The following CACNA1I variants were observed in gnomAD, a reference collection of about 807,000 sequenced individuals.
CACNA1I encodes the protein calcium voltage-gated channel subunit alpha1 I.
CACNA1I carries 74 observed loss-of-function variants against 201.6 expected under a neutral mutation model. The ratio of observed to expected loss-of-function variants is 0.37; its 90% CI spans 0.30 to 0.45. The LOEUF (loss-of-function observed/expected upper bound fraction) is 0.45. Ranked by LOEUF, CACNA1I falls within the 20% of genes least tolerant of loss-of-function variation. CACNA1I has a pLI of 1.00. For synonymous variants in CACNA1I, 1,431 were observed against 1,345.2 expected, an observed-to-expected ratio of 1.06 and a Z score of -1.40; for missense variants, 2,346 against 3,138.1, an observed-to-expected ratio of 0.75 and a Z score of 6.03.
At chr22:39,593,179 C>T (rs559990607) in intron 1 of CACNA1I, among the ~76,000 whole-genome samples, 20 of 152,222 alleles carry the variant, frequency 1.3e-4, no homozygotes, top group Non-Finnish European at 2.5e-4. Context: ...AGAGGCAGTG[C>T]TGTGCAGCGG....
At chr22:39,584,566 TG>T (rs1404873298) in intron 1 of CACNA1I, among the ~76,000 whole-genome samples, 2 of 152,026 alleles carry the variant, frequency 1.3e-5, no homozygotes, top group African/African-American at 2.4e-5. Flanking sequence ...ACCAGAGGGC[TG>T]GGGGCTGGAG....
intron 4 of CACNA1I, among the ~76,000 whole-genome samples, chr22:39,626,233 A>G (rs966191665): frequency 1.6e-4 from 25 of 152,224 alleles, no homozygotes; most frequent in African/African-American, 6.0e-4. Flanking sequence ...AGCTCTCAAG[A>G]GAAGTTAATA....
Position 39,684,664 on chromosome 22 carries a change from G to A in CACNA1I, c.6027+166G>A, listed in dbSNP as rs1935804928. The A allele has an allele frequency of 4.2e-6, 3 of 722,360 alleles. No homozygotes were observed. Among genetic ancestry groups the A allele is most frequent in the Non-Finnish European group, 7.0e-6 (3 of 431,268 alleles). The allele number at this position is 722,360 out of a possible 1,614,324, so 44.7% of individuals were successfully genotyped here. A position where few individuals can be genotyped will look rare whatever the true frequency, so the allele number is the denominator to read the frequency against. On this transcript the variant is annotated intron_variant, in intron 36 of 36. Transcript: ENST00000402142. The surrounding 1 kb of genome is among the most constrained non-coding windows in gnomAD (Gnocchi z 4.6). ...CGCTGGGGTGACGCTGAGACTGGAG[G>A]GGGAGGTGGCACTGGGGCGGATGGA...
At chr22:39,609,918 C>T (rs1480291721) in intron 3 of CACNA1I, among the ~76,000 whole-genome samples, 9 of 152,188 alleles carry the variant, frequency 5.9e-5, no homozygotes. Context: ...TGGGCAGGGG[C>T]AGGGCTCTGT....
At chr22:39,663,957 T>C (rs927752823) in intron 19 of CACNA1I, 116 bp downstream of exon 19, 40 of 1,537,090 alleles carry the variant, frequency 2.6e-5, no homozygotes, top group Non-Finnish European at 3.4e-5. Flanking sequence ...AAGTTTGCCT[T>C]TGGGGCGGGG....
rs1935928936 is a variant in CACNA1I, at chr22:39,687,728, G to T, written c.*1323G>T. The stretch of plus-strand genomic sequence containing the variant: ...CTTCCCAAACGGGTTCTAGACTTGG[G>T]TGTTTGATTTGAAGAGTTACGCATT... On this transcript the variant is annotated 3_prime_UTR_variant, in exon 37 of 37. Coordinates refer to ENST00000402142, the MANE Select transcript of CACNA1I (RefSeq NM_021096.4). 6.6e-6 allele frequency: 1 copy of T among 152,228 alleles called. No individual in the cohort carries two copies. Among genetic ancestry groups the T allele is most frequent in the South Asian group, 2.1e-4 (1 of 4,832 alleles). 9.4% of individuals were successfully genotyped at this position (152,228 alleles called of 1,614,324 possible).
At position 39,664,863 on chromosome 22, in the gene CACNA1I, G is replaced by A; in HGVS notation, c.3791G>A (p.Gly1264Glu). 1.2e-6 allele frequency: 2 copies of A among 1,613,132 alleles called. No homozygotes were observed. The highest frequency in any genetic ancestry group is 1.1e-5 in the South Asian group (1 of 91,074). ...DIVVSLASAG[G>E]AKILGVLRVL... Reference sequence around the variant, plus strand: ...GTGGTGTCCCTGGCCTCAGCCGGGGGAGCCAAGATCTTGGGGGTCCTCCGA... The same window carrying A: ...GTGGTGTCCCTGGCCTCAGCCGGGGAAGCCAAGATCTTGGGGGTCCTCCGA... The change falls in exon 21 of 37, where the codon GGA (glycine) becomes GAA (glutamate). Residue 1264 changes from glycine (G) to glutamate (E), a missense_variant. Gly to Glu is a moderately conservative substitution (Grantham distance 98). This residue lies in a region of CACNA1I where 158 missense variants were observed against 231.6 expected (regional missense o/e 0.68). Coordinates refer to ENST00000402142, the MANE Select transcript of CACNA1I (RefSeq NM_021096.4).
chr22:39,683,050 C>T (rs1935751070), intron 35 of CACNA1I, among the ~76,000 whole-genome samples: 1 of 152,136 alleles, frequency 6.6e-6, no homozygotes, highest in African/African-American at 2.4e-5. Context: ...GCCCACAGAT[C>T]TTCATATACA....
Position 39,684,505 on chromosome 22 carries a change from A to T in CACNA1I, c.6027+7A>T. On this transcript the variant is annotated splice_region_variant and intron_variant, in intron 36 of 36. Coordinates refer to ENST00000402142, the MANE Select transcript of CACNA1I (RefSeq NM_021096.4). The surrounding 1 kb of genome is among the most constrained non-coding windows in gnomAD (Gnocchi z 4.6). ...CTGTACCCTCCTCCGGCAGGTACCG[A>T]CACCTCCCAGGCCCTAGAGCACTGG... 6.2e-7 allele frequency: 1 copy of T among 1,610,988 alleles called. No individual in the cohort carries two copies. Among genetic ancestry groups the T allele is most frequent in the Non-Finnish European group, 8.5e-7 (1 of 1,178,882 alleles).
intron 4 of CACNA1I, among the ~76,000 whole-genome samples, chr22:39,634,035 A>C (rs1038505900): frequency 6.6e-6 from 1 of 152,228 alleles, no homozygotes; most frequent in African/African-American, 2.4e-5. Flanking sequence ...GGTGCTGGGC[A>C]TACTAAGGTG....
intron 14 of CACNA1I, 56 bp from the exon 15 acceptor site, chr22:39,660,288 C>A: frequency 7.4e-7 from 1 of 1,347,754 alleles, no homozygotes; most frequent in Non-Finnish European, 1.0e-6. Context: ...CTAGAGGGAG[C>A]TGGGAAGGGA....
At chr22:39,624,016 A>G (rs1933830122) in intron 4 of CACNA1I, among the ~76,000 whole-genome samples, 2 of 129,890 alleles carry the variant, frequency 1.5e-5, no homozygotes, top group African/African-American at 6.0e-5. Context: ...GTGTCCATGA[A>G]GGGGTGTGCC....
rs1935847166 is a variant in CACNA1I at position 39,685,868 on chromosome 22, C to T, written c.6135C>T (p.Ala2045=). The stretch of plus-strand genomic sequence containing the variant: ...CCCTGAGCGACAGCCCCCGGCGTGC[C>T]CTGGGGCCGCCCGCGCCTGCTCCAG... ...SLTLSDSPRR[A]LGPPAPAPGP... is the part of the protein sequence containing the mutation. Residue 2045 remains alanine, a synonymous_variant, in exon 37 of 37, where the codon GCC becomes GCT. Transcript: ENST00000402142. This position sits in a 1 kb window ranked among gnomAD's most constrained non-coding sequence, Gnocchi z 5.0. The T allele has an allele frequency of 2.7e-6, 4 of 1,467,888 alleles. No individual in the cohort carries two copies. The highest frequency in any genetic ancestry group is 3.6e-6 in the Non-Finnish European group (4 of 1,118,134). 90.9% of individuals were successfully genotyped at this position (1,467,888 alleles called of 1,614,324 possible).
intron 29 of CACNA1I, among the ~76,000 whole-genome samples, chr22:39,674,299 C>T (rs1292205182): frequency 1.3e-5 from 2 of 152,178 alleles, no homozygotes; most frequent in East Asian, 3.8e-4. Context: ...CCCTTGGTTG[C>T]CCCCAGGCTG....
intron 28 of CACNA1I, 72 bp downstream of exon 28, chr22:39,673,154 G>T: frequency 2.6e-6 from 1 of 387,968 alleles, no homozygotes; most frequent in Non-Finnish European, 5.2e-6. Context: ...TGCCTGATGA[G>T]AACACACAGG....
At chr22:39,631,325 C>T (rs1198239869) in intron 4 of CACNA1I, among the ~76,000 whole-genome samples, 1 of 152,212 alleles carries the variant, frequency 6.6e-6, no homozygotes, top group Admixed American at 6.5e-5. Context: ...GGGTCCTCTT[C>T]CCCTTTTTAG....
rs758606139 is a variant in CACNA1I, at chr22:39,660,253, C to T, written c.2605-91C>T. ...CTCAGTTTTCCCATTTGCAAAATGG[C>T]GGTGGAAACACCCATAGAAAAATTC... On this transcript the variant is annotated intron_variant, in intron 14 of 36. Transcript: ENST00000402142. The T allele has an allele frequency of 1.6e-5, 15 of 909,320 alleles. No homozygotes were observed. The East Asian group carries it at 1.8e-4, about 11-fold the overall frequency. The allele number at this position is 909,320 out of a possible 1,614,324, so 56.3% of individuals were successfully genotyped here. A position where few individuals can be genotyped will look rare whatever the true frequency, so the allele number is the denominator to read the frequency against.
Position 39,659,182 on chromosome 22 carries a change from ATGTGGTCCAC to A in CACNA1I, c.2330+71_2330+80del, listed in dbSNP as rs1934920352. 2 of 1,581,758 alleles carry A rather than the reference ATGTGGTCCAC, an allele frequency of 1.3e-6. No individual in the cohort carries two copies. The highest frequency in any genetic ancestry group is 2.7e-5 in the African/African-American group (2 of 74,312). On this transcript the variant is annotated intron_variant, in intron 12 of 36. Coordinates refer to ENST00000402142, the MANE Select transcript of CACNA1I (RefSeq NM_021096.4). This position sits in a 1 kb window ranked among gnomAD's most constrained non-coding sequence, Gnocchi z 4.3. ...GGGGCTGTGGGCGGGAGCCTGGGGGATGTGGTCCACTGTGCTTCTCTGGACAAAGCCACCT... is the reference window on the plus strand; with the variant it reads ...GGGGCTGTGGGCGGGAGCCTGGGGGATGTGCTTCTCTGGACAAAGCCACCT...
Position 39,648,969 on chromosome 22 carries a change from C to T in CACNA1I, c.1568-532C>T, listed in dbSNP as rs928646486. Among the ~76,000 whole-genome samples, 9 of 152,232 alleles carry T rather than the reference C, an allele frequency of 5.9e-5. No homozygotes were observed. Among genetic ancestry groups the T allele is most frequent in the African/African-American group, 2.2e-4 (9 of 41,562 alleles). On this transcript the variant is annotated intron_variant, in intron 9 of 36. Coordinates refer to ENST00000402142, the MANE Select transcript of CACNA1I (RefSeq NM_021096.4). This position sits in a 1 kb window ranked among gnomAD's most constrained non-coding sequence, Gnocchi z 5.4. ...TTCTGGAGTGAGGGTCTGCCCTTGC[C>T]CCAGGGCTCCATGCCTCCTCCCCTC...
Sources: gnomAD v4.1 joint callset for allele counts (sites outside exome capture counted in the v4.1 genomes callset) on GRCh38, gnomAD v4.1.1 for gene constraint, gnomAD v4.1.1 regional missense constraint, Gnocchi (gnomAD v3.1) non-coding constraint, MANE v1.5 for transcripts, NCBI Gene and HGNC (gene_info 2026-07-23, HGNC 2026-07-21) for gene names.